The following TRIM2 variants were observed in gnomAD, a reference collection of about 807,000 sequenced individuals.
TRIM2 encodes the protein tripartite motif containing 2.
In TRIM2, 20 loss-of-function variants were observed where a neutral mutation model predicts 75.2. The observed-to-expected ratio is 0.27, with a 90% CI of 0.19 to 0.39. The LOEUF (loss-of-function observed/expected upper bound fraction) is 0.39. Ranked by LOEUF, TRIM2 falls within the 10% of genes least tolerant of loss-of-function variation. The pLI is 1.00. For synonymous variants in TRIM2, 373 were observed against 388.3 expected (o/e 0.96, Z 0.46); for missense variants, 660 against 990.8 (o/e 0.67, Z 4.48).
intron 1 of TRIM2, among the ~76,000 whole-genome samples, chr4:153,189,141 G>A (rs1296596314): frequency 6.6e-6 from 1 of 152,140 alleles, no homozygotes; most frequent in African/African-American, 2.4e-5. Flanking sequence ...ATGAGTCACC[G>A]CACCGGCCTG....
intron 1 of TRIM2, among the ~76,000 whole-genome samples, chr4:153,154,739 A>G (rs1190243644): frequency 6.6e-6 from 1 of 152,256 alleles, no homozygotes; most frequent in South Asian, 2.1e-4. Context: ...CATGGTGTCC[A>G]TATGGACACA....
intron 1 of TRIM2, among the ~76,000 whole-genome samples, chr4:153,228,477 C>T (rs529107775): frequency 5.3e-5 from 8 of 152,314 alleles, no homozygotes; most frequent in African/African-American, 1.9e-4. Context: ...TCTGGATGTT[C>T]GGATCTGGGT....
intron 1 of TRIM2, among the ~76,000 whole-genome samples, chr4:153,263,707 C>T (rs1005997576): frequency 9.2e-5 from 14 of 152,160 alleles, no homozygotes; most frequent in African/African-American, 3.1e-4. Context: ...GATTGGATGA[C>T]TTAAACAAAA....
intron 1 of TRIM2, among the ~76,000 whole-genome samples, chr4:153,260,283 T>A (rs1235732556): frequency 6.6e-6 from 1 of 151,974 alleles, no homozygotes; most frequent in Non-Finnish European, 1.5e-5. Flanking sequence ...CCTGGCAAAG[T>A]GATGGGTGTG....
At chr4:153,317,838 T>C (rs1444136077) in intron 8 of TRIM2, among the ~76,000 whole-genome samples, 1 of 151,746 alleles carries the variant, frequency 6.6e-6, no homozygotes, top group East Asian at 1.9e-4. Context: ...CACAGGCCTG[T>C]AGTCCCAGCC....
intron 3 of TRIM2, among the ~76,000 whole-genome samples, chr4:153,277,891 G>T (rs1184790625): frequency 6.6e-6 from 1 of 152,174 alleles, no homozygotes; most frequent in Non-Finnish European, 1.5e-5. Flanking sequence ...TTGAAAGCAG[G>T]TTGAGTATTT....
At chr4:153,309,235 C>T (rs565026347) in intron 6 of TRIM2, among the ~76,000 whole-genome samples, 10 of 152,206 alleles carry the variant, frequency 6.6e-5, no homozygotes, top group African/African-American at 2.2e-4. Context: ...CAGAAGAAGC[C>T]ATGTGTGTAT....
intron 1 of TRIM2, among the ~76,000 whole-genome samples, chr4:153,244,717 C>T (rs1748645972): frequency 6.6e-6 from 1 of 151,964 alleles, no homozygotes; most frequent in Admixed American, 6.6e-5. Flanking sequence ...GAATTTCTGG[C>T]CTGCAAATAA....
rs962251968 is a variant in TRIM2, at chr4:153,189,909, T to C, written c.-49+36639T>C. ...AATTGAAGTGGGGTGTAGAGAATGA[T>C]GGTATGAGGCAATATGAATATCTTG... On this transcript the variant is annotated intron_variant, in intron 1 of 11. Coordinates refer to the TRIM2 transcript ENST00000437508. Among the ~76,000 whole-genome samples the C allele has an allele frequency of 3.9e-5, 6 of 152,346 alleles. No individual in the cohort carries two copies. In the East Asian group the frequency reaches 7.7e-4, roughly 20 times the overall value.
At chr4:153,320,691 G>T (rs954018438) in intron 8 of TRIM2, among the ~76,000 whole-genome samples, 12 of 152,136 alleles carry the variant, frequency 7.9e-5, no homozygotes, top group Admixed American at 3.3e-4. Flanking sequence ...GGAGTGAGGT[G>T]GCGCGACCTT....
chr4:153,286,406 GTTC>G (rs1760626999), intron 3 of TRIM2, among the ~76,000 whole-genome samples: 1 of 152,020 alleles, frequency 6.6e-6, no homozygotes, highest in Non-Finnish European at 1.5e-5. Flanking sequence ...ATTGGTGTTA[GTTC>G]TTCTTAAAAT....
intron 1 of TRIM2, among the ~76,000 whole-genome samples, chr4:153,215,471 CTCTT>C (rs200992931): frequency 0.012 from 1,820 of 151,988 alleles, 38 homozygotes; most frequent in African/African-American, 0.042. Context: ...CTGATCTGGG[CTCTT>C]GCTGCCATTT....
At chr4:153,156,471 C>G (rs918225026) in intron 1 of TRIM2, among the ~76,000 whole-genome samples, 16 of 152,266 alleles carry the variant, frequency 1.1e-4, no homozygotes, top group Admixed American at 5.2e-4. Context: ...TGCCACCTCC[C>G]CCACATCCGC....
intron 3 of TRIM2, among the ~76,000 whole-genome samples, chr4:153,289,079 A>G (rs1162964982): frequency 6.6e-6 from 1 of 152,052 alleles, no homozygotes; most frequent in South Asian, 2.1e-4. Flanking sequence ...CTTTAGGGAG[A>G]GTGCCTATAA....
At chr4:153,193,353 G>C (rs761851959) in intron 1 of TRIM2, among the ~76,000 whole-genome samples, 6 of 151,904 alleles carry the variant, frequency 3.9e-5, no homozygotes, top group Admixed American at 3.9e-4. Flanking sequence ...GGATGGTCTC[G>C]ATCTCCTGAC....
At position 153,179,982 on chromosome 4, in the gene TRIM2, G is replaced by A. The variant is rs147308652; in HGVS notation, c.-49+26712G>A. Among the ~76,000 whole-genome samples the A allele has an allele frequency of 2.5e-4, 38 of 152,266 alleles. 1 individual carries two copies. Among genetic ancestry groups the A allele is most frequent in the Non-Finnish European group, 2.9e-4 (20 of 68,004 alleles). On this transcript the variant is annotated intron_variant, in intron 1 of 11. Coordinates refer to the TRIM2 transcript ENST00000437508. Reference sequence around the variant, plus strand: ...CAAGCATTGGAGGCCTGGAGTTTTCGTCTAAACCATGTCAAGTTATCAGAA... The same window carrying A: ...CAAGCATTGGAGGCCTGGAGTTTTCATCTAAACCATGTCAAGTTATCAGAA...
Position 153,305,307 on chromosome 4 carries a change from A to G in TRIM2, c.1510+9271A>G, listed in dbSNP as rs1764743098. ...TTTGTTTTGAGAATTAAATTAATTA[A>G]CACCAAAAAAAGCTTGGAACAATGC... On this transcript the variant is annotated intron_variant, in intron 6 of 11. Coordinates refer to ENST00000338700, the MANE Select transcript of TRIM2 (RefSeq NM_015271.5). Among the ~76,000 whole-genome samples the G allele has an allele frequency of 3.3e-5, 5 of 152,232 alleles. No homozygotes were observed. The South Asian group carries it at 1.0e-3, about 32-fold the overall frequency.
At chr4:153,256,522 A>T (rs1310797446) in intron 1 of TRIM2, among the ~76,000 whole-genome samples, 1 of 152,226 alleles carries the variant, frequency 6.6e-6, no homozygotes, top group Non-Finnish European at 1.5e-5. Context: ...AACGGTTGTG[A>T]ATTCTACTCT....
chr4:153,176,465 G>A (rs963547888), intron 1 of TRIM2, among the ~76,000 whole-genome samples: 9 of 147,430 alleles, frequency 6.1e-5, no homozygotes, highest in African/African-American at 2.3e-4. Context: ...AAAAAAAAAG[G>A]AATGATACAG....
Sources: allele counts gnomAD v4.1 joint callset (sites outside exome capture counted in the v4.1 genomes callset), GRCh38; gene constraint gnomAD v4.1.1; transcripts MANE v1.5; gene names NCBI Gene and HGNC (gene_info 2026-07-23, HGNC 2026-07-21).